SORL1: variants seen among roughly 807,000 people sequenced by gnomAD.
SORL1 encodes sortilin related receptor 1.
In SORL1, 127 loss-of-function variants were observed where a neutral mutation model predicts 273.7. The observed-to-expected ratio is 0.46, with a 90% CI of 0.40 to 0.54. SORL1 has a LOEUF of 0.54. Ranked by LOEUF, SORL1 falls within the 20% of genes least tolerant of loss-of-function variation. The pLI is 0.00. For synonymous variants in SORL1, 1,031 were observed against 1,067.4 expected (o/e 0.97, Z 0.66); for missense variants, 2,494 against 2,846.1 (o/e 0.88, Z 2.81).
intron 6 of SORL1, among the ~76,000 whole-genome samples, chr11:121,500,260 AC>A (rs1278369137): frequency 3.3e-5 from 5 of 152,160 alleles, no homozygotes; most frequent in Non-Finnish European, 7.3e-5. Flanking sequence ...CTCCCCTACA[AC>A]CTCACAACCT....
intron 8 of SORL1, among the ~76,000 whole-genome samples, chr11:121,515,529 G>T (rs1480356834): frequency 6.6e-6 from 1 of 152,194 alleles, no homozygotes; most frequent in Non-Finnish European, 1.5e-5. Flanking sequence ...GGCCAGGGTG[G>T]CTGGAAGGGC....
intron 3 of SORL1, among the ~76,000 whole-genome samples, chr11:121,486,540 C>T (rs1861475055): frequency 1.3e-5 from 2 of 148,752 alleles, no homozygotes; most frequent in Admixed American, 6.8e-5. Context: ...AGTGTAGTGG[C>T]ACGCTCTTGG....
chr11:121,478,032 CAAAAAAAAAAAAA>C, intron 2 of SORL1, 73 bp from the exon 3 acceptor site: 3 of 1,046,570 alleles, frequency 2.9e-6, no homozygotes. Flanking sequence ...AACTCAGTCT[CAAAAAAAAAAAAA>C]AAAAAAAGAA....
chr11:121,533,681 G>A (rs1371618326), intron 12 of SORL1, among the ~76,000 whole-genome samples: 1 of 152,204 alleles, frequency 6.6e-6, no homozygotes, highest in Admixed American at 6.5e-5. Flanking sequence ...TAGAAACGGG[G>A]CCAGCAGTAA....
intron 8 of SORL1, 32 bp from the exon 9 acceptor site, chr11:121,520,625 C>G: frequency 7.0e-7 from 1 of 1,430,050 alleles, no homozygotes; most frequent in Non-Finnish European, 9.5e-7. Context: ...AATACCAATT[C>G]AGGTTCATAG....
intron 18 of SORL1, among the ~76,000 whole-genome samples, chr11:121,556,172 T>C (rs1421475672): frequency 6.6e-6 from 1 of 152,216 alleles, no homozygotes; most frequent in Non-Finnish European, 1.5e-5. Flanking sequence ...CTCTGCATGA[T>C]ACATGTGGTT....
chr11:121,593,800 A>G (rs1863251837), intron 31 of SORL1, among the ~76,000 whole-genome samples: 1 of 152,144 alleles, frequency 6.6e-6, no homozygotes, highest in African/African-American at 2.4e-5. Flanking sequence ...TTGCACCATC[A>G]TCATCTTCAG....
chr11:121,452,800 T>C lies in SORL1; in HGVS notation c.285+184T>C. ...CTTGAATCGCATTGATCTTTCCTTC[T>C]TCCTGTCGATTTAGTAAACGTATTC... On this transcript the variant is annotated intron_variant, in intron 1 of 47. Transcript: ENST00000260197. This position sits in a 1 kb window ranked among gnomAD's most constrained non-coding sequence, Gnocchi z 5.3. 2 of 513,160 alleles carry C rather than the reference T, an allele frequency of 3.9e-6. No individual in the cohort carries two copies. The highest frequency in any genetic ancestry group is 6.5e-6 in the Non-Finnish European group (2 of 305,632). 31.8% of individuals were successfully genotyped at this position (513,160 alleles called of 1,614,324 possible).
In SORL1 at chr11:121,595,714, C is replaced by T; in HGVS notation, c.4461C>T (p.Asn1487=). Residue 1487 remains asparagine, a synonymous_variant, in exon 32 of 48, where the codon AAC becomes AAT. Coordinates refer to ENST00000260197, the MANE Select transcript of SORL1 (RefSeq NM_003105.6). The surrounding 1 kb of genome is among the most constrained non-coding windows in gnomAD (Gnocchi z 5.1). The part of the protein sequence containing the change: ...ECHQPKTCIP[N]WKRCDGHQDC... ...ACCAACCGAAGACGTGTATTCCCAA[C>T]TGGAAGCGCTGTGACGGCCACCAAG... 2 of 1,614,096 alleles carry T rather than the reference C, an allele frequency of 1.2e-6. No homozygotes were observed. Among genetic ancestry groups the T allele is most frequent in the Non-Finnish European group, 8.5e-7 (1 of 1,180,034 alleles).
At position 121,619,943 on chromosome 11, in the gene SORL1, CTT is replaced by C. The variant is rs530323829; in HGVS notation, c.5889+28_5889+29del. The C allele has an allele frequency of 7.5e-5, 115 of 1,536,850 alleles. 1 individual carries two copies. In the South Asian group the frequency reaches 1.3e-3, roughly 17 times the overall value. Reference sequence around the variant, plus strand: ...GTGAGTGGGTTGGGCTTCCAGGCCTCTTTGTTTATTCCTGGCCTGGTTAGGGT... The same window carrying C: ...GTGAGTGGGTTGGGCTTCCAGGCCTCTGTTTATTCCTGGCCTGGTTAGGGT... On this transcript the variant is annotated intron_variant, in intron 43 of 47. Transcript: ENST00000260197.
At chr11:121,588,522 C>T (rs968726704) in intron 28 of SORL1, among the ~76,000 whole-genome samples, 5 of 152,132 alleles carry the variant, frequency 3.3e-5, no homozygotes, top group Middle Eastern at 3.2e-3. Context: ...TACCCTGCTT[C>T]GATGATCCTG....
intron 2 of SORL1, among the ~76,000 whole-genome samples, chr11:121,477,893 G>T (rs563447563): frequency 1.3e-5 from 2 of 152,056 alleles, no homozygotes; most frequent in Non-Finnish European, 2.9e-5. Flanking sequence ...TTAGCTGGGC[G>T]TGGTGGCAGG....
Position 121,588,113 on chromosome 11 carries a change from G to C in SORL1, c.3908G>C (p.Arg1303Pro). 1 of 1,613,814 alleles carries C rather than the reference G, an allele frequency of 6.2e-7. No individual in the cohort carries two copies. The highest frequency in any genetic ancestry group is 8.5e-7 in the Non-Finnish European group (1 of 1,179,816). The part of the protein sequence containing the change: ...SMVCDGIIQC[R>P]DGSDEDAAFA... Reference sequence around the variant, plus strand: ...GTCTGTGACGGAATCATCCAGTGCCGCGACGGGTCCGATGAGGATGCGGCG... The same window carrying C: ...GTCTGTGACGGAATCATCCAGTGCCCCGACGGGTCCGATGAGGATGCGGCG... The change falls in exon 28 of 48, where the codon CGC becomes CCC. Residue 1303 changes from arginine (R) to proline (P), a missense_variant. Physicochemically the swap from Arg to Pro is moderately radical, Grantham distance 103. Transcript: ENST00000260197.
rs138684982 is a variant in SORL1 at position 121,625,199 on chromosome 11, A to G, written c.6286A>G (p.Thr2096Ala). ...NLKMGHNYTF[T>A]VQARCLFGNQ... ...GAAGATGGGTCATAATTACACGTTC[A>G]CCGTCCAAGCAAGATGCCTTTTTGG... The change falls in exon 46 of 48, where the codon ACC (threonine) becomes GCC (alanine). Residue 2096 changes from threonine to alanine, a missense_variant. Coordinates refer to ENST00000260197, the MANE Select transcript of SORL1 (RefSeq NM_003105.6). The G allele has an allele frequency of 1.9e-6, 3 of 1,614,028 alleles. No individual in the cohort carries two copies. The African/African-American group carries it at 4.0e-5, about 22-fold the overall frequency.
chr11:121,499,092 G>T (rs633197), intron 6 of SORL1, among the ~76,000 whole-genome samples: 61,344 of 152,022 alleles, frequency 0.4, 12,832 homozygotes, highest in East Asian at 0.55. Flanking sequence ...CAGCAGATGC[G>T]CAATAGAGTT....
chr11:121,499,719 T>C (rs185779005), intron 6 of SORL1, among the ~76,000 whole-genome samples: 14 of 152,346 alleles, frequency 9.2e-5, no homozygotes, highest in African/African-American at 2.9e-4. Flanking sequence ...AGTAAGAGTG[T>C]TGAAACCTGC....
At chr11:121,515,187 A>G (rs1861933627) in intron 8 of SORL1, among the ~76,000 whole-genome samples, 1 of 152,250 alleles carries the variant, frequency 6.6e-6, no homozygotes, top group Non-Finnish European at 1.5e-5. Flanking sequence ...GTATAGCCAC[A>G]AAGTAATGTA....
chr11:121,625,351 C>A, intron 46 of SORL1, 74 bp downstream of exon 46: 2 of 1,214,190 alleles, frequency 1.6e-6, no homozygotes, highest in Non-Finnish European at 1.2e-6. Flanking sequence ...GTTTCATGAC[C>A]ATGTGTCTTT....
At chr11:121,581,555 A>T (rs570812070) in intron 25 of SORL1, among the ~76,000 whole-genome samples, 5 of 152,368 alleles carry the variant, frequency 3.3e-5, no homozygotes, top group East Asian at 1.9e-4. Flanking sequence ...TTAAAAAAAA[A>T]ATATGTATTA....
Sources: gnomAD v4.1 joint callset for allele counts (sites outside exome capture counted in the v4.1 genomes callset) on GRCh38, gnomAD v4.1.1 for gene constraint, Gnocchi (gnomAD v3.1) non-coding constraint, MANE v1.5 for transcripts, NCBI Gene and HGNC (gene_info 2026-07-23, HGNC 2026-07-21) for gene names.